The following RFC3 variants were observed in gnomAD, a reference collection of about 807,000 sequenced individuals.
RFC3 encodes replication factor C subunit 3, also known as A1 38 kDa subunit.
RFC3 carries 41 observed loss-of-function variants against 45.1 expected under a neutral mutation model. That is an observed-to-expected ratio of 0.91 (90% confidence interval 0.71 to 1.18). RFC3 has a LOEUF of 1.18. Among genes scored for constraint, RFC3 ranks in the 50% most tolerant of loss-of-function variants. RFC3 has a pLI of 0.00. For synonymous variants in RFC3, 149 were observed against 144.0 expected, an observed-to-expected ratio of 1.03 and a Z score of -0.25; for missense variants, 423 against 428.1, an observed-to-expected ratio of 0.99 and a Z score of 0.10.
At chr13:33,929,362 C>G (rs1468066012) in intron 8 of RFC3, among the ~76,000 whole-genome samples, 3 of 152,036 alleles carry the variant, frequency 2.0e-5, no homozygotes, top group Admixed American at 6.6e-5. Flanking sequence ...CATCTAAATA[C>G]ATCGCTGACT....
chr13:33,852,040 T>A (rs1013096805), intron 8 of RFC3, among the ~76,000 whole-genome samples: 2 of 152,208 alleles, frequency 1.3e-5, no homozygotes, highest in Non-Finnish European at 2.9e-5. Flanking sequence ...AACATGGTAT[T>A]GAAAACTAAC....
chr13:33,880,644 C>G (rs933660960), intron 8 of RFC3, among the ~76,000 whole-genome samples: 28 of 152,156 alleles, frequency 1.8e-4, no homozygotes, highest in African/African-American at 6.3e-4. Flanking sequence ...GTGCTAGTGG[C>G]TACTGTATTG....
intron 8 of RFC3, among the ~76,000 whole-genome samples, chr13:33,964,955 G>A (rs970935214): frequency 2.0e-5 from 3 of 149,268 alleles, no homozygotes; most frequent in African/African-American, 7.4e-5. Context: ...AGATTAGAGT[G>A]ATGTGGCCAC....
At chr13:33,879,829 C>G (rs1199799559) in intron 8 of RFC3, among the ~76,000 whole-genome samples, 3 of 152,134 alleles carry the variant, frequency 2.0e-5, no homozygotes, top group Non-Finnish European at 2.9e-5. Context: ...GGGTTCTGTT[C>G]CTTTTTGGAG....
intron 1 of RFC3, among the ~76,000 whole-genome samples, chr13:33,820,010 TA>T (rs2081987070): frequency 6.6e-6 from 1 of 152,214 alleles, no homozygotes; most frequent in Non-Finnish European, 1.5e-5. Context: ...TACAAAGTAT[TA>T]AAATTCATTG....
Position 33,835,219 on chromosome 13 carries a change from T to C in RFC3, c.879+2T>C. On this transcript the variant is annotated splice_donor_variant, in intron 8 of 8. Transcript: ENST00000380071. LOFTEE classifies it high-confidence loss of function. ...ATTCCTCCTGAGATAATAATGAAGGTAACCCAATTTCAGATCTTGAACTTT... is the reference window on the plus strand; with the variant it reads ...ATTCCTCCTGAGATAATAATGAAGGCAACCCAATTTCAGATCTTGAACTTT... 1 of 1,599,394 alleles carries C rather than the reference T, an allele frequency of 6.3e-7. No individual in the cohort carries two copies. The highest frequency in any genetic ancestry group is 8.6e-7 in the Non-Finnish European group (1 of 1,166,880).
At chr13:33,927,867 G>A (rs990309126) in intron 8 of RFC3, among the ~76,000 whole-genome samples, 10 of 152,046 alleles carry the variant, frequency 6.6e-5, no homozygotes, top group Non-Finnish European at 1.3e-4. Flanking sequence ...TAATACCAAG[G>A]AGGAGTTTCA....
the RFC3 span, among the ~76,000 whole-genome samples, chr13:33,974,816 CA>C: frequency 1.3e-5 from 2 of 152,032 alleles, no homozygotes; most frequent in African/African-American, 4.8e-5. Flanking sequence ...CAAATTAAAA[CA>C]ACGAGATATC....
At chr13:33,946,135 G>A (rs985548695) in intron 8 of RFC3, among the ~76,000 whole-genome samples, 1 of 152,210 alleles carries the variant, frequency 6.6e-6, no homozygotes, top group Non-Finnish European at 1.5e-5. Context: ...TGTCTGTAGA[G>A]TACAATTGCT....
intron 8 of RFC3, among the ~76,000 whole-genome samples, chr13:33,915,215 C>A (rs1026334510): frequency 6.6e-6 from 1 of 152,110 alleles, no homozygotes; most frequent in African/African-American, 2.4e-5. Context: ...AACAAACAGC[C>A]TTAATCCTTT....
intron 8 of RFC3, among the ~76,000 whole-genome samples, chr13:33,896,549 C>G (rs918084217): frequency 1.1e-4 from 16 of 151,578 alleles, no homozygotes; most frequent in African/African-American, 3.9e-4. Flanking sequence ...CATGGTGAAA[C>G]CCTGATTCTG....
At chr13:33,905,740 C>T (rs1392828116) in intron 8 of RFC3, among the ~76,000 whole-genome samples, 2 of 151,948 alleles carry the variant, frequency 1.3e-5, no homozygotes, top group Non-Finnish European at 1.5e-5. Context: ...TAATATTGAA[C>T]TCAAATGATT....
chr13:33,905,438 A>G (rs1412944404), intron 8 of RFC3, among the ~76,000 whole-genome samples: 1 of 151,308 alleles, frequency 6.6e-6, no homozygotes, highest in Non-Finnish European at 1.5e-5. Context: ...TTTTTCTTGC[A>G]TGCATGAGTG....
At chr13:33,975,434 G>A in the RFC3 span, among the ~76,000 whole-genome samples, 1 of 152,104 alleles carries the variant, frequency 6.6e-6, no homozygotes, top group African/African-American at 2.4e-5. Flanking sequence ...TTTTTAGACT[G>A]GTAAAACTAT....
intron 8 of RFC3, among the ~76,000 whole-genome samples, chr13:33,920,370 GTCAATAGT>G (rs1364304763): frequency 1.3e-5 from 2 of 149,304 alleles, no homozygotes; most frequent in Admixed American, 6.7e-5. Context: ...AGGAGCAATA[GTCAATAGT>G]TCACCCTTGC....
intron 8 of RFC3, among the ~76,000 whole-genome samples, chr13:33,869,808 C>T (rs2082396187): frequency 6.6e-6 from 1 of 152,180 alleles, no homozygotes; most frequent in South Asian, 2.1e-4. Context: ...TCTTAATATG[C>T]TAAAATAATG....
chr13:33,949,538 T>TG, intron 8 of RFC3, among the ~76,000 whole-genome samples: 1 of 152,224 alleles, frequency 6.6e-6, no homozygotes, highest in African/African-American at 2.4e-5. Context: ...TCCATGCAAA[T>TG]GTGGCTCACA....
chr13:33,888,266 T>G (rs369883500), intron 8 of RFC3, among the ~76,000 whole-genome samples: 1 of 152,194 alleles, frequency 6.6e-6, no homozygotes, highest in Non-Finnish European at 1.5e-5. Flanking sequence ...ACATACAACG[T>G]GAATGGTGCT....
At chr13:33,831,453 A>G in intron 7 of RFC3, 99 bp downstream of exon 7, 1 of 664,042 alleles carries the variant, frequency 1.5e-6, no homozygotes. Context: ...ATTATAATTA[A>G]ATCCTGAATC....
Sources: allele counts gnomAD v4.1 joint callset (sites outside exome capture counted in the v4.1 genomes callset), GRCh38; gene constraint gnomAD v4.1.1; transcripts MANE v1.5; gene names NCBI Gene and HGNC (gene_info 2026-07-23, HGNC 2026-07-21).